Variants in PRKCQ observed in about 807,000 individuals in gnomAD.
PRKCQ encodes the protein protein kinase C theta type.
PRKCQ carries 41 observed loss-of-function variants against 91.2 expected under a neutral mutation model. That is an observed-to-expected ratio of 0.45 (90% CI 0.35 to 0.58). PRKCQ has a LOEUF of 0.58. Among genes scored for constraint, PRKCQ ranks in the 20% least tolerant of loss-of-function variants. The pLI is 0.00. For synonymous variants in PRKCQ, 307 were observed against 316.9 expected (o/e 0.97, Z 0.33); for missense variants, 673 against 896.5 (o/e 0.75, Z 3.18).
intron 15 of PRKCQ, among the ~76,000 whole-genome samples, chr10:6,443,595 C>T (rs1044100409): frequency 1.3e-5 from 2 of 152,178 alleles, no homozygotes; most frequent in African/African-American, 2.4e-5. Flanking sequence ...ATATGTGAAA[C>T]GTAAACACGT....
rs1024713853 is a variant in PRKCQ, at chr10:6,472,366, A to G, written c.1353+6626T>C. On this transcript the variant is annotated intron_variant, in intron 12 of 17. Transcript: ENST00000263125. ...AGGAAAGATGCGGCATTTCAGATGC[A>G]CTGAGTGAGTGTCTTGTTCTTTTAG... 8.5e-5 allele frequency among the ~76,000 whole-genome samples: 13 copies of G among 152,328 alleles called. 5 individuals are homozygous for G. The highest frequency in any genetic ancestry group is 6.5e-5 in the Admixed American group (1 of 15,306).
At chr10:6,461,854 G>T (rs1279394001) in intron 14 of PRKCQ, among the ~76,000 whole-genome samples, 1 of 152,174 alleles carries the variant, frequency 6.6e-6, no homozygotes, top group Non-Finnish European at 1.5e-5. Flanking sequence ...AGATACAATA[G>T]TGTCAATCTA....
intron 1 of PRKCQ, among the ~76,000 whole-genome samples, chr10:6,535,107 G>C (rs886407940): frequency 6.6e-6 from 1 of 152,128 alleles, no homozygotes; most frequent in African/African-American, 2.4e-5. Flanking sequence ...TAAGTAACCT[G>C]GCTCACTTCT....
At chr10:6,441,055 T>G (rs747386658) in intron 16 of PRKCQ, among the ~76,000 whole-genome samples, 14 of 152,122 alleles carry the variant, frequency 9.2e-5, no homozygotes, top group Non-Finnish European at 1.9e-4. Context: ...ACTGAGACAG[T>G]GTTTCATAAC....
At chr10:6,566,141 G>A (rs1037018715) in intron 1 of PRKCQ, among the ~76,000 whole-genome samples, 5 of 152,144 alleles carry the variant, frequency 3.3e-5, no homozygotes, top group African/African-American at 4.8e-5. Context: ...ACTGTAGAAC[G>A]AATCATGTTT....
the PRKCQ span, among the ~76,000 whole-genome samples, chr10:6,400,922 C>T: frequency 2.6e-5 from 4 of 152,176 alleles, no homozygotes; most frequent in Admixed American, 6.5e-5. Flanking sequence ...GACCATAGTT[C>T]GTTCCCTTTT....
chr10:6,494,846 G>A (rs1837506489), intron 7 of PRKCQ, among the ~76,000 whole-genome samples: 1 of 152,138 alleles, frequency 6.6e-6, no homozygotes. Context: ...GGAATTCCAA[G>A]CTCATGTGAA....
At position 6,568,286 on chromosome 10, in the gene PRKCQ, T is replaced by A. The variant is rs1486283002; in HGVS notation, c.-10+11925A>T. 2.5e-4 allele frequency among the ~76,000 whole-genome samples: 38 copies of A among 152,202 alleles called. 2 individuals carry two copies. Among genetic ancestry groups the A allele is most frequent in the Admixed American group, 2.5e-3 (38 of 15,282 alleles). On this transcript the variant is annotated intron_variant, in intron 1 of 17. Coordinates refer to ENST00000263125, the MANE Select transcript of PRKCQ (RefSeq NM_006257.5). ...CCCCCAAAACTAACAAAAAAAATTA[T>A]GATTTTGTTTTGAAGAAGACTTAAA... is the stretch of plus-strand genomic sequence containing the variant.
chr10:6,467,132 C>A (rs1255275630), intron 12 of PRKCQ, among the ~76,000 whole-genome samples: 1 of 152,094 alleles, frequency 6.6e-6, no homozygotes, highest in Non-Finnish European at 1.5e-5. Context: ...CCAGGAAAGA[C>A]AAAACCAAAA....
the PRKCQ span, among the ~76,000 whole-genome samples, chr10:6,411,218 T>TCA: frequency 6.6e-6 from 1 of 152,214 alleles, no homozygotes; most frequent in Non-Finnish European, 1.5e-5. Flanking sequence ...CTTTATCAGT[T>TCA]AGTGAGGACA....
intron 12 of PRKCQ, among the ~76,000 whole-genome samples, chr10:6,475,902 ATC>A (rs1192400120): frequency 6.6e-6 from 1 of 152,128 alleles, no homozygotes; most frequent in Non-Finnish European, 1.5e-5. Context: ...GTTCCTTGAG[ATC>A]TGAGTCTTGA....
chr10:6,521,911 TG>T (rs5782908), intron 1 of PRKCQ, among the ~76,000 whole-genome samples: 55,000 of 129,028 alleles, frequency 0.43, 12,856 homozygotes, highest in Admixed American at 0.59. Context: ...TGTGATGTTA[TG>T]TTATGTTATG....
intron 3 of PRKCQ, among the ~76,000 whole-genome samples, chr10:6,509,815 C>A (rs1275426655): frequency 6.6e-6 from 1 of 152,204 alleles, no homozygotes; most frequent in Non-Finnish European, 1.5e-5. Context: ...TAAAAAAAAT[C>A]TTGGCATATA....
In PRKCQ at chr10:6,507,548, G is replaced by A. The variant is rs760907573; in HGVS notation, c.319-52C>T. 4.1e-6 allele frequency: 6 copies of A among 1,478,344 alleles called. No homozygotes were observed. The South Asian group carries it at 4.5e-5, about 11-fold the overall frequency. The allele number at this position is 1,478,344 out of a possible 1,614,324, so 91.6% of individuals were successfully genotyped here. Reference sequence around the variant, plus strand: ...AGTCAGAATGTGAAACAAGCCCTGAGTTCAATGACATCACTGGCTACTGAC... The same window carrying A: ...AGTCAGAATGTGAAACAAGCCCTGAATTCAATGACATCACTGGCTACTGAC... On this transcript the variant is annotated intron_variant, in intron 3 of 17. Coordinates refer to ENST00000263125, the MANE Select transcript of PRKCQ (RefSeq NM_006257.5).
chr10:6,499,622 G>A (rs963687855), intron 4 of PRKCQ, among the ~76,000 whole-genome samples: 12 of 152,184 alleles, frequency 7.9e-5, no homozygotes, highest in Non-Finnish European at 1.5e-4. Context: ...TTATAATTTT[G>A]TAATAGCTTG....
At chr10:6,452,526 C>T (rs969619028) in intron 15 of PRKCQ, among the ~76,000 whole-genome samples, 23 of 151,204 alleles carry the variant, frequency 1.5e-4, no homozygotes, top group African/African-American at 5.6e-4. Flanking sequence ...CAATGCCATC[C>T]CCATCAAGCT....
intron 1 of PRKCQ, among the ~76,000 whole-genome samples, chr10:6,544,355 G>GC (rs1839876809): frequency 6.6e-6 from 1 of 152,120 alleles, no homozygotes; most frequent in Non-Finnish European, 1.5e-5. Flanking sequence ...TAATGACCTG[G>GC]TCACACTGTC....
Position 6,430,941 on chromosome 10 carries a change from G to GA in PRKCQ, c.1837-4dup. The stretch of plus-strand genomic sequence containing the variant: ...TTCTCAGGTTCTCGCACGAAGAGCT[G>GA]AAAGGGAGCAGAGCAGGAGCCCTGA... On this transcript the variant is annotated splice_polypyrimidine_tract_variant and splice_region_variant and intron_variant, in intron 16 of 17. Transcript: ENST00000263125. This position sits in a 1 kb window ranked among gnomAD's most constrained non-coding sequence, Gnocchi z 4.7. The GA allele has an allele frequency of 1.2e-6, 2 of 1,613,788 alleles. No individual in the cohort carries two copies. Among genetic ancestry groups the GA allele is most frequent in the Non-Finnish European group, 1.7e-6 (2 of 1,179,832 alleles).
At chr10:6,501,449 G>T (rs1169286807) in intron 4 of PRKCQ, among the ~76,000 whole-genome samples, 1 of 152,066 alleles carries the variant, frequency 6.6e-6, no homozygotes, top group African/African-American at 2.4e-5. Flanking sequence ...AAGAAAGGGA[G>T]CAGCTGTCTC....
Sources: gnomAD v4.1 joint callset for allele counts (sites outside exome capture counted in the v4.1 genomes callset) on GRCh38, gnomAD v4.1.1 for gene constraint, Gnocchi (gnomAD v3.1) non-coding constraint, MANE v1.5 for transcripts, NCBI Gene and HGNC (gene_info 2026-07-23, HGNC 2026-07-21) for gene names.